Variants in WDFY3 observed in about 807,000 individuals in gnomAD.
The protein encoded by WDFY3 is WD repeat and FYVE domain containing 3, also known as WD repeat and FYVE domain-containing protein 3.
In WDFY3, 66 loss-of-function variants were observed where a neutral mutation model predicts 409.6. That is an observed-to-expected ratio of 0.16 (90% CI 0.13 to 0.20). The LOEUF is 0.20. WDFY3 is among the 10% of genes least tolerant of loss of function. The pLI is 1.00. For missense variants in WDFY3, 3,031 were observed against 4,298.1 expected (o/e 0.71, Z 8.24); for synonymous variants, 1,521 against 1,537.1 (o/e 0.99, Z 0.25).
chr4:84,804,397 G>A (rs747503086), intron 15 of WDFY3, among the ~76,000 whole-genome samples: 3 of 152,096 alleles, frequency 2.0e-5, no homozygotes, highest in South Asian at 2.1e-4. Flanking sequence ...GATGCTTTAC[G>A]TCACTGATTT....
At chr4:84,875,084 A>G (rs1762591829) in intron 3 of WDFY3, among the ~76,000 whole-genome samples, 3 of 152,114 alleles carry the variant, frequency 2.0e-5, no homozygotes, top group South Asian at 2.1e-4. Flanking sequence ...CCTGGCCAAC[A>G]TGGTGAAACC....
chr4:84,680,740 A>C (rs1471325815), intron 64 of WDFY3, among the ~76,000 whole-genome samples: 1 of 152,190 alleles, frequency 6.6e-6, no homozygotes, highest in East Asian at 1.9e-4. Flanking sequence ...TAAACAATAC[A>C]ATATCGCAAC....
intron 59 of WDFY3, among the ~76,000 whole-genome samples, chr4:84,692,235 G>A (rs1729380647): frequency 6.6e-6 from 1 of 152,196 alleles, no homozygotes; most frequent in Admixed American, 6.5e-5. Flanking sequence ...GCACTCTGAT[G>A]ACCATATTAC....
chr4:84,683,809 G>A, intron 63 of WDFY3, 134 bp downstream of exon 63: 3 of 873,868 alleles, frequency 3.4e-6, no homozygotes, highest in Admixed American at 2.8e-5. Flanking sequence ...AGAGGCCAAG[G>A]CCTGTCTGAG....
At chr4:84,692,146 C>T (rs1227936333) in intron 59 of WDFY3, among the ~76,000 whole-genome samples, 3 of 152,182 alleles carry the variant, frequency 2.0e-5, no homozygotes, top group African/African-American at 7.2e-5. Context: ...TAGTACCTCC[C>T]AAGTTATAGC....
intron 1 of WDFY3, among the ~76,000 whole-genome samples, chr4:84,953,415 C>T (rs1036777756): frequency 2.0e-5 from 3 of 151,986 alleles, no homozygotes; most frequent in African/African-American, 7.3e-5. Flanking sequence ...ATGAGCAGGT[C>T]ATAGCTGCTT....
intron 24 of WDFY3, among the ~76,000 whole-genome samples, chr4:84,784,412 T>C (rs1747106331): frequency 6.6e-6 from 1 of 152,178 alleles, no homozygotes; most frequent in Non-Finnish European, 1.5e-5. Flanking sequence ...ACTCTTTTTG[T>C]AGTTTTCTCC....
chr4:84,937,935 T>C (rs1771638254), intron 1 of WDFY3, among the ~76,000 whole-genome samples: 1 of 152,148 alleles, frequency 6.6e-6, no homozygotes, highest in African/African-American at 2.4e-5. Context: ...CCAGTACATT[T>C]TTCCCCATGC....
Position 84,724,606 on chromosome 4 carries a change from C to G in WDFY3, c.7273-12G>C, listed in dbSNP as rs753029571. The G allele has an allele frequency of 6.2e-7, 1 of 1,602,204 alleles. No homozygotes were observed. Among genetic ancestry groups the G allele is most frequent in the Non-Finnish European group, 8.5e-7 (1 of 1,175,092 alleles). On this transcript the variant is annotated splice_polypyrimidine_tract_variant and intron_variant, in intron 45 of 67. Transcript: ENST00000295888. The stretch of plus-strand genomic sequence containing the variant: ...TATCGAGCAGGTTTCTAAGAAATGA[C>G]AAAAGAAAATGACTCCGATAACTAT...
Position 84,785,988 on chromosome 4 carries a change from A to C in WDFY3, c.4053T>G (p.Ile1351Met). The C allele has an allele frequency of 6.2e-7, 1 of 1,613,856 alleles. No individual in the cohort carries two copies. The highest frequency in any genetic ancestry group is 8.5e-7 in the Non-Finnish European group (1 of 1,179,914). ...AAATCATTCTGCTTACCTGCTTAGC[A>C]ATGGCTTTGCTATCCAATTTGTTAT... ...KVYNKLDSKA[I>M]AKQLGISSHE... The change falls in exon 24 of 68, where the codon ATT becomes ATG. Residue 1351 changes from isoleucine (I) to methionine (M), a missense_variant. By Grantham distance (10) the Ile-to-Met change is conservative (BLOSUM62 1). Coordinates refer to ENST00000295888, the MANE Select transcript of WDFY3 (RefSeq NM_014991.6).
chr4:84,760,620 T>C (rs1307169886), intron 32 of WDFY3, among the ~76,000 whole-genome samples: 1 of 152,222 alleles, frequency 6.6e-6, no homozygotes. Flanking sequence ...TCTCTGATGG[T>C]AGCTTGTATT....
At chr4:84,933,279 A>AT (rs1290486036) in intron 1 of WDFY3, among the ~76,000 whole-genome samples, 3 of 152,082 alleles carry the variant, frequency 2.0e-5, no homozygotes, top group Admixed American at 2.0e-4. Flanking sequence ...TAGACAGGTA[A>AT]TTATTCAAAA....
intron 56 of WDFY3, among the ~76,000 whole-genome samples, 168 bp downstream of exon 56, chr4:84,702,185 G>A (rs1731167098): frequency 2.0e-5 from 3 of 152,014 alleles, no homozygotes; most frequent in Non-Finnish European, 2.9e-5. Flanking sequence ...TTTTTGTAAC[G>A]ACAAAAATCA....
chr4:84,744,852 CAAAAAAAAA>C (rs1165273561), intron 36 of WDFY3, among the ~76,000 whole-genome samples: 2 of 15,762 alleles, frequency 1.3e-4, no homozygotes, highest in Admixed American at 6.8e-4. Flanking sequence ...GACTCCGTCT[CAAAAAAAAA>C]AAAAAAAAAA....
chr4:84,932,454 C>T (rs1215382438), intron 1 of WDFY3, 91 bp from the exon 2 acceptor site: 1 of 152,168 alleles, frequency 6.6e-6, no homozygotes. Flanking sequence ...TACCTCCTTA[C>T]TTGTTGTCTT....
At chr4:84,850,160 T>G in intron 4 of WDFY3, 135 bp from the exon 5 acceptor site, 1 of 876,904 alleles carries the variant, frequency 1.1e-6, no homozygotes, top group East Asian at 2.9e-5. Context: ...AATCTTAATA[T>G]GTTGAAAATA....
intron 1 of WDFY3, among the ~76,000 whole-genome samples, chr4:84,933,962 T>C (rs1357604886): frequency 3.3e-5 from 5 of 152,160 alleles, no homozygotes; most frequent in Non-Finnish European, 7.4e-5. Context: ...TCTTGGTTAT[T>C]GGTAACAGTG....
intron 1 of WDFY3, among the ~76,000 whole-genome samples, chr4:84,944,206 C>T (rs1258111525): frequency 6.6e-6 from 1 of 152,002 alleles, no homozygotes; most frequent in Non-Finnish European, 1.5e-5. Flanking sequence ...TTTAATTATT[C>T]CAAAATTATC....
At chr4:84,928,517 T>C (rs1457775232) in intron 2 of WDFY3, among the ~76,000 whole-genome samples, 1 of 152,180 alleles carries the variant, frequency 6.6e-6, no homozygotes, top group Non-Finnish European at 1.5e-5. Context: ...TAAAACACTA[T>C]GGATTTTTCC....
Sources: gnomAD v4.1 joint callset for allele counts (sites outside exome capture counted in the v4.1 genomes callset) on GRCh38, gnomAD v4.1.1 for gene constraint, MANE v1.5 for transcripts, NCBI Gene and HGNC (gene_info 2026-07-23, HGNC 2026-07-21) for gene names.